The following MAP3K2 variants were observed in gnomAD, a reference collection of about 807,000 sequenced individuals.
The protein encoded by MAP3K2 is MAP/ERK kinase kinase 2.
In MAP3K2, 24 loss-of-function variants were observed where a neutral mutation model predicts 80.3. That is an observed-to-expected ratio of 0.30 (90% CI 0.22 to 0.42). The LOEUF (loss-of-function observed/expected upper bound fraction) is 0.42. Ranked by LOEUF, MAP3K2 falls within the 10% of genes least tolerant of loss-of-function variation. The pLI is 1.00. For missense variants in MAP3K2, 608 were observed against 750.1 expected (o/e 0.81, Z 2.21); for synonymous variants, 244 against 253.7 (o/e 0.96, Z 0.36).
chr2:127,315,810 C>T lies in MAP3K2; in HGVS notation c.1327-927G>A, dbSNP rs182862186. Among the ~76,000 whole-genome samples the T allele has an allele frequency of 2.3e-3, 353 of 151,662 alleles. 1 individual carries two copies. The highest frequency in any genetic ancestry group is 7.7e-3 in the African/African-American group (319 of 41,340). On this transcript the variant is annotated intron_variant, in intron 14 of 16. Coordinates refer to ENST00000682094, the MANE Select transcript of MAP3K2 (RefSeq NM_001371910.2). Reference sequence around the variant, plus strand: ...AAGAATTAGCCAGGCATCGGCTGGGCGTGGTGGCTCACGCTTGTAATACCA... The same window carrying T: ...AAGAATTAGCCAGGCATCGGCTGGGTGTGGTGGCTCACGCTTGTAATACCA...
rs1687395485 is a variant in MAP3K2, at chr2:127,387,675, TG to T, written c.-290del. ...CGGGCCGGGCGGGGTGGCGGGCGCG[TG>T]AATCCTCGCAGCCGGCCGGGTCCTC... On this transcript the variant is annotated 5_prime_UTR_variant, in exon 1 of 17. Coordinates refer to ENST00000682094, the MANE Select transcript of MAP3K2 (RefSeq NM_001371910.2). 2 of 984,412 alleles carry T rather than the reference TG, an allele frequency of 2.0e-6. No homozygotes were observed. 61.0% of individuals were successfully genotyped at this position (984,412 alleles called of 1,614,324 possible).
chr2:127,327,746 T>C (rs975901207), intron 7 of MAP3K2, among the ~76,000 whole-genome samples: 2 of 152,098 alleles, frequency 1.3e-5, no homozygotes, highest in Non-Finnish European at 2.9e-5. Context: ...TGCCAACATA[T>C]AAGAAAAATA....
intron 1 of MAP3K2, among the ~76,000 whole-genome samples, chr2:127,368,616 A>G (rs1416399927): frequency 2.0e-4 from 30 of 152,136 alleles, no homozygotes; most frequent in Admixed American, 1.9e-3. Flanking sequence ...GTGAGACTCC[A>G]TCTCAAAAAT....
Position 127,306,369 on chromosome 2 carries a change from T to C in MAP3K2, c.*1210A>G, listed in dbSNP as rs10850. 0.76 allele frequency: 115,213 copies of C among 152,030 alleles called. 43,877 individuals carry two copies. The highest frequency in any genetic ancestry group is 1 in the East Asian group (5,151 of 5,172). 9.4% of individuals were successfully genotyped at this position (152,030 alleles called of 1,614,324 possible). On this transcript the variant is annotated 3_prime_UTR_variant, in exon 17 of 17. Transcript: ENST00000682094. The surrounding 1 kb of genome is among the most constrained non-coding windows in gnomAD (Gnocchi z 4.7). ...ATCCCTGGCCTCTACCCAATTCATGTTACTAGTATCCCTCCAATTGTGACA... is the reference window on the plus strand; with the variant it reads ...ATCCCTGGCCTCTACCCAATTCATGCTACTAGTATCCCTCCAATTGTGACA...
At chr2:127,365,659 G>A (rs1285290489) in intron 1 of MAP3K2, among the ~76,000 whole-genome samples, 1 of 152,170 alleles carries the variant, frequency 6.6e-6, no homozygotes, top group African/African-American at 2.4e-5. Flanking sequence ...CTACACAGAG[G>A]TGACAACTCT....
intron 1 of MAP3K2, among the ~76,000 whole-genome samples, chr2:127,376,818 C>T (rs1050976806): frequency 6.6e-6 from 1 of 152,148 alleles, no homozygotes. Flanking sequence ...ATAATCCCAG[C>T]ACTTTGGGAG....
intron 1 of MAP3K2, among the ~76,000 whole-genome samples, chr2:127,343,648 G>T (rs1173887002): frequency 6.6e-6 from 1 of 152,124 alleles, no homozygotes; most frequent in African/African-American, 2.4e-5. Context: ...GTGTTGCTGG[G>T]TATACAATAT....
intron 12 of MAP3K2, among the ~76,000 whole-genome samples, chr2:127,318,523 T>C (rs970942764): frequency 6.6e-6 from 1 of 152,188 alleles, no homozygotes; most frequent in Admixed American, 6.5e-5. Flanking sequence ...CAAAAAGAGA[T>C]TCATATCCCA....
intron 15 of MAP3K2, 66 bp from the exon 16 acceptor site, chr2:127,308,828 C>CA: frequency 2.7e-6 from 4 of 1,495,314 alleles, no homozygotes; most frequent in Non-Finnish European, 3.7e-6. Context: ...CATAAAAGAA[C>CA]AATGGCAGAG....
At chr2:127,326,414 T>C (rs543768175) in intron 8 of MAP3K2, among the ~76,000 whole-genome samples, 1 of 152,156 alleles carries the variant, frequency 6.6e-6, no homozygotes, top group Non-Finnish European at 1.5e-5. Context: ...AAAAAAAATC[T>C]GGCTGTTAAA....
intron 1 of MAP3K2, among the ~76,000 whole-genome samples, chr2:127,374,200 A>G (rs1451347684): frequency 1.3e-5 from 2 of 152,058 alleles, no homozygotes; most frequent in Non-Finnish European, 2.9e-5. Context: ...ATTGTTAGTG[A>G]CTCTGCTTAC....
intron 1 of MAP3K2, among the ~76,000 whole-genome samples, chr2:127,379,477 T>A (rs1472490642): frequency 6.6e-6 from 1 of 152,224 alleles, no homozygotes; most frequent in East Asian, 1.9e-4. Flanking sequence ...AAGCTCATAA[T>A]CTTAGCTATT....
intron 1 of MAP3K2, among the ~76,000 whole-genome samples, chr2:127,371,382 C>T (rs538563606): frequency 1.4e-4 from 22 of 152,238 alleles, no homozygotes; most frequent in South Asian, 8.3e-4. Context: ...TGTCTTTGTG[C>T]GCTCTCGGGG....
chr2:127,316,520 A>G (rs564392696), intron 14 of MAP3K2, among the ~76,000 whole-genome samples: 2 of 152,266 alleles, frequency 1.3e-5, no homozygotes, highest in Non-Finnish European at 2.9e-5. Flanking sequence ...ATGAAATTAT[A>G]GACTCTAGTG....
At chr2:127,326,284 C>CCACGAAAA (rs1686137160) in intron 8 of MAP3K2, among the ~76,000 whole-genome samples, 1 of 61,764 alleles carries the variant, frequency 1.6e-5, no homozygotes, top group Non-Finnish European at 3.9e-5. Context: ...AACAGCAACT[C>CCACGAAAA]CATGAAAACA....
In MAP3K2 at chr2:127,387,940, A is replaced by G. The variant is rs1574014903; in HGVS notation, c.-554T>C. 1 of 984,624 alleles carries G rather than the reference A, an allele frequency of 1.0e-6. No individual in the cohort carries two copies. Among genetic ancestry groups the G allele is most frequent in the Non-Finnish European group, 1.2e-6 (1 of 829,646 alleles). The allele number at this position is 984,624 out of a possible 1,614,324, so 61.0% of individuals were successfully genotyped here. A position where few individuals can be genotyped will look rare whatever the true frequency, so the allele number is the denominator to read the frequency against. On this transcript the variant is annotated 5_prime_UTR_variant, in exon 1 of 17. Transcript: ENST00000682094. ...CTCGTCAGGCGCCGCCGCTGAGGGC[A>G]GGCAGCCCGGCAGCCACTACACACG...
At chr2:127,387,038 G>T (rs540014056) in intron 1 of MAP3K2, among the ~76,000 whole-genome samples, 1 of 152,112 alleles carries the variant, frequency 6.6e-6, no homozygotes, top group Non-Finnish European at 1.5e-5. Flanking sequence ...CACCCTAAGT[G>T]CTACCTAAAT....
Position 127,326,736 on chromosome 2 carries a change from A to T in MAP3K2, c.548T>A (p.Phe183Tyr). Residue 183 changes from phenylalanine (F) to tyrosine (Y), a missense_variant, in exon 8 of 17, where the codon TTC (phenylalanine) becomes TAC (tyrosine). By Grantham distance (22) the Phe-to-Tyr change is conservative. This residue lies in a region of MAP3K2 where 467 missense variants were observed against 521.9 expected (regional missense o/e 0.89). Transcript: ENST00000682094. ...ELHQVARNGS[F>Y]TSINSEGEFI... ...CTCTCCTTCACTGTTGATACTAGTG[A>T]ATGACCCATTCCGGGCAACCTGGTG... 2 of 1,608,768 alleles carry T rather than the reference A, an allele frequency of 1.2e-6. No individual in the cohort carries two copies. The highest frequency in any genetic ancestry group is 1.7e-6 in the Non-Finnish European group (2 of 1,177,488).
intron 1 of MAP3K2, among the ~76,000 whole-genome samples, chr2:127,369,246 G>A (rs375206542): frequency 8.0e-5 from 12 of 150,290 alleles, no homozygotes; most frequent in Admixed American, 8.0e-4. Context: ...CACCGTGCTC[G>A]GCCATTCTCA....
Sources: allele counts gnomAD v4.1 joint callset (sites outside exome capture counted in the v4.1 genomes callset), GRCh38; gene constraint gnomAD v4.1.1; regional missense constraint gnomAD v4.1.1; non-coding constraint Gnocchi (gnomAD v3.1); transcripts MANE v1.5; gene names NCBI Gene and HGNC (gene_info 2026-07-23, HGNC 2026-07-21).